ROBO1: variants seen among roughly 807,000 people sequenced by gnomAD.
The protein encoded by ROBO1 is roundabout guidance receptor 1.
In ROBO1, 149 loss-of-function variants were observed where a neutral mutation model predicts 195.9. The ratio of observed to expected loss-of-function variants is 0.76; its 90% CI spans 0.67 to 0.87. The LOEUF (loss-of-function observed/expected upper bound fraction) is 0.87. ROBO1 is among the 40% of genes least tolerant of loss of function. The pLI, the probability that ROBO1 is intolerant of heterozygous loss-of-function variation, is 0.00. For synonymous variants in ROBO1, 816 were observed against 733.2 expected (o/e 1.11, Z -1.82); for missense variants, 1,933 against 2,068.3 (o/e 0.93, Z 1.27).
chr3:78,668,768 A>G (rs1335408163), intron 11 of ROBO1, among the ~76,000 whole-genome samples: 3 of 152,192 alleles, frequency 2.0e-5, no homozygotes, highest in Non-Finnish European at 4.4e-5. Flanking sequence ...ATTTTATATG[A>G]TTGTTCTAAT....
At chr3:78,807,827 G>A (rs2084595299) in intron 4 of ROBO1, among the ~76,000 whole-genome samples, 1 of 152,148 alleles carries the variant, frequency 6.6e-6, no homozygotes, top group Admixed American at 6.5e-5. Context: ...AATGAAGAGA[G>A]GGAAAAGCAT....
intron 3 of ROBO1, among the ~76,000 whole-genome samples, chr3:79,115,831 G>A (rs1056633340): frequency 6.6e-6 from 1 of 152,084 alleles, no homozygotes; most frequent in Non-Finnish European, 1.5e-5. Context: ...CACCATCTGT[G>A]CATTTACTAA....
chr3:79,541,564 T>C (rs574624269), intron 2 of ROBO1, among the ~76,000 whole-genome samples: 2 of 152,166 alleles, frequency 1.3e-5, no homozygotes, highest in Admixed American at 1.3e-4. Flanking sequence ...CCTCCCTTCT[T>C]AAGGTAACTT....
intron 2 of ROBO1, among the ~76,000 whole-genome samples, chr3:79,344,937 C>A (rs1311623921): frequency 6.6e-6 from 1 of 152,208 alleles, no homozygotes; most frequent in African/African-American, 2.4e-5. Context: ...TCTCCTGCTG[C>A]CATGTGAAGA....
At chr3:79,610,682 G>A (rs985203398) in intron 1 of ROBO1, among the ~76,000 whole-genome samples, 2 of 151,932 alleles carry the variant, frequency 1.3e-5, no homozygotes, top group East Asian at 3.9e-4. Context: ...GTGGAAAGAC[G>A]AGATATCATA....
At chr3:79,316,360 A>G (rs2033738273) in intron 2 of ROBO1, among the ~76,000 whole-genome samples, 1 of 152,150 alleles carries the variant, frequency 6.6e-6, no homozygotes. Context: ...TTTGTTTAAG[A>G]TGTAGGAAAA....
intron 3 of ROBO1, among the ~76,000 whole-genome samples, chr3:79,109,500 G>A (rs377427245): frequency 1.3e-5 from 2 of 152,006 alleles, no homozygotes; most frequent in East Asian, 3.9e-4. Context: ...TGCTATAGCT[G>A]TTTCCTCATT....
intron 3 of ROBO1, among the ~76,000 whole-genome samples, chr3:78,976,149 T>A (rs2076880404): frequency 6.6e-6 from 1 of 152,144 alleles, no homozygotes; most frequent in African/African-American, 2.4e-5. Flanking sequence ...TTAGAACTGC[T>A]CCAGAAAGCG....
chr3:79,566,181 C>T (rs952520960), intron 2 of ROBO1, among the ~76,000 whole-genome samples: 1 of 152,090 alleles, frequency 6.6e-6, no homozygotes, highest in African/African-American at 2.4e-5. Context: ...AAAGTCTTTT[C>T]TCTTTTGCAA....
chr3:79,753,485 T>C (rs564204030), intron 1 of ROBO1, among the ~76,000 whole-genome samples: 1 of 152,306 alleles, frequency 6.6e-6, no homozygotes, highest in Non-Finnish European at 1.5e-5. Context: ...GATGATATTG[T>C]CCACTCAGTG....
chr3:79,725,223 C>T (rs964637429), intron 1 of ROBO1, among the ~76,000 whole-genome samples: 22 of 106,510 alleles, frequency 2.1e-4, no homozygotes, highest in African/African-American at 5.3e-4. Context: ...CTCTCTTCTT[C>T]TTTTTTTTTT....
chr3:79,689,083 A>G (rs527454167), intron 1 of ROBO1, among the ~76,000 whole-genome samples: 1 of 152,072 alleles, frequency 6.6e-6, no homozygotes, highest in East Asian at 1.9e-4. Flanking sequence ...CGTTTTTTAT[A>G]TATAGTCATC....
intron 1 of ROBO1, among the ~76,000 whole-genome samples, chr3:79,717,647 T>C (rs1702542746): frequency 6.6e-6 from 1 of 152,042 alleles, no homozygotes; most frequent in South Asian, 2.1e-4. Flanking sequence ...AAAGTTATTA[T>C]CTGTACTACA....
intron 2 of ROBO1, among the ~76,000 whole-genome samples, chr3:79,502,548 G>A (rs933452060): frequency 2.0e-5 from 3 of 151,980 alleles, no homozygotes; most frequent in African/African-American, 4.8e-5. Context: ...CCAGACGAGC[G>A]CCATCCCCTG....
At chr3:78,956,713 T>C (rs2041067307) in intron 3 of ROBO1, among the ~76,000 whole-genome samples, 1 of 152,146 alleles carries the variant, frequency 6.6e-6, no homozygotes, top group Non-Finnish European at 1.5e-5. Context: ...GAGCTGAAGA[T>C]AAAATAAGGA....
chr3:78,815,209 G>A (rs1385179755), intron 4 of ROBO1, among the ~76,000 whole-genome samples: 1 of 152,088 alleles, frequency 6.6e-6, no homozygotes, highest in African/African-American at 2.4e-5. Context: ...GAAAGGAAGA[G>A]TGGCAAGTCT....
chr3:79,538,120 A>G (rs889507548), intron 2 of ROBO1, among the ~76,000 whole-genome samples: 2 of 152,154 alleles, frequency 1.3e-5, no homozygotes, highest in Non-Finnish European at 2.9e-5. Flanking sequence ...AACTACGAAT[A>G]ATAGCCCGAC....
chr3:79,589,885 CA>C lies in ROBO1; in HGVS notation c.26del (p.Leu9TrpfsTer3). On this transcript the variant is annotated frameshift_variant, in exon 2 of 31. Coordinates refer to ENST00000464233, the MANE Select transcript of ROBO1 (RefSeq NM_002941.4). LOFTEE classifies it high-confidence loss of function. ...ATAAGCTGAGGAGTGATATCATGAC[CA>C]AAAAAGGAACATGTTTCCATTTCAT... The part of the protein sequence containing the change: MKWKHVPF[L>X]VMISLLSLSP... The C allele has an allele frequency of 6.2e-7, 1 of 1,610,146 alleles. No individual in the cohort carries two copies. The highest frequency in any genetic ancestry group is 8.5e-7 in the Non-Finnish European group (1 of 1,177,470).
At chr3:79,571,485 T>G (rs540639194) in intron 2 of ROBO1, among the ~76,000 whole-genome samples, 1 of 152,002 alleles carries the variant, frequency 6.6e-6, no homozygotes, top group African/African-American at 2.4e-5. Flanking sequence ...AAAGACAAAG[T>G]TTTAAATATA....
Sources: allele counts gnomAD v4.1 joint callset (sites outside exome capture counted in the v4.1 genomes callset), GRCh38; gene constraint gnomAD v4.1.1; transcripts MANE v1.5; gene names NCBI Gene and HGNC (gene_info 2026-07-23, HGNC 2026-07-21).